The following ACTN1 variants were observed in gnomAD, a reference collection of about 807,000 sequenced individuals.
The protein encoded by ACTN1 is actinin alpha 1, also known as alpha-actinin-1.
In ACTN1, 30 loss-of-function variants were observed where a neutral mutation model predicts 119.6. The ratio of observed to expected loss-of-function variants is 0.25; its 90% CI spans 0.19 to 0.34. The LOEUF is 0.34. Among genes scored for constraint, ACTN1 ranks in the 10% least tolerant of loss-of-function variants. ACTN1 has a pLI of 1.00. For synonymous variants in ACTN1, 429 were observed against 472.6 expected, an observed-to-expected ratio of 0.91 and a Z score of 1.20; for missense variants, 764 against 1,223.4, an observed-to-expected ratio of 0.62 and a Z score of 5.60.
At chr14:68,938,797 T>A (rs2035649823) in intron 1 of ACTN1, among the ~76,000 whole-genome samples, 2 of 152,192 alleles carry the variant, frequency 1.3e-5, no homozygotes, top group Admixed American at 1.3e-4. Context: ...CCATCCACTG[T>A]CTATTTAATC....
chr14:68,876,451 A>T (rs1309608095), intron 21 of ACTN1, among the ~76,000 whole-genome samples: 1 of 151,300 alleles, frequency 6.6e-6, no homozygotes, highest in African/African-American at 2.4e-5. Flanking sequence ...GCTTCTACAG[A>T]TCCCCTCAGG....
chr14:68,884,423 G>T, intron 13 of ACTN1, 115 bp from the exon 14 acceptor site: 1 of 1,263,022 alleles, frequency 7.9e-7, no homozygotes, highest in South Asian at 1.5e-5. Context: ...CAATCAGGCA[G>T]AAAGAACAAG....
intron 3 of ACTN1, among the ~76,000 whole-genome samples, chr14:68,919,898 T>C (rs1281170948): frequency 3.9e-5 from 6 of 152,254 alleles, no homozygotes; most frequent in Non-Finnish European, 8.8e-5. Flanking sequence ...CTCGACCCCA[T>C]GCACTGCAGT....
intron 13 of ACTN1, 38 bp from the exon 14 acceptor site, chr14:68,884,346 T>G: frequency 6.3e-7 from 1 of 1,585,616 alleles, no homozygotes; most frequent in Non-Finnish European, 8.6e-7. Context: ...AGTACAGTGA[T>G]GTCCAGAATC....
Position 68,909,444 on chromosome 14 carries a change from CA to C in ACTN1, c.516-49del. On this transcript the variant is annotated intron_variant, in intron 5 of 21. Transcript: ENST00000394419. This position sits in a 1 kb window ranked among gnomAD's most constrained non-coding sequence, Gnocchi z 4.1. Reference sequence around the variant, plus strand: ...GAGCAGGCTGGTAAATGAGGCTGAACAAACGGGCAACCAGGGCAAAGCAGGG... The same window carrying C: ...GAGCAGGCTGGTAAATGAGGCTGAACAACGGGCAACCAGGGCAAAGCAGGG... 1 of 1,595,064 alleles carries C rather than the reference CA, an allele frequency of 6.3e-7. No individual in the cohort carries two copies. The highest frequency in any genetic ancestry group is 8.6e-7 in the Non-Finnish European group (1 of 1,164,504).
In ACTN1 at chr14:68,875,036, C is replaced by A. The variant is rs2030720796; in HGVS notation, c.2587-19G>T. 3 of 1,611,022 alleles carry A rather than the reference C, an allele frequency of 1.9e-6. No homozygotes were observed. The highest frequency in any genetic ancestry group is 2.5e-6 in the Non-Finnish European group (3 of 1,179,796). On this transcript the variant is annotated intron_variant, in intron 21 of 21. Coordinates refer to ENST00000394419, the MANE Select transcript of ACTN1 (RefSeq NM_001130004.2). ...TGTAGTTCTGCGAGGAGAGAGTGGTCAGGAAGGCCGCAAAGTCCAGCAGCC... is the reference window on the plus strand; with the variant it reads ...TGTAGTTCTGCGAGGAGAGAGTGGTAAGGAAGGCCGCAAAGTCCAGCAGCC...
At chr14:68,947,444 T>C (rs1313786699) in intron 1 of ACTN1, 7 of 152,252 alleles carry the variant, frequency 4.6e-5, no homozygotes, top group African/African-American at 1.4e-4. Context: ...ACAGATTGTC[T>C]TTTTACAGAG....
chr14:68,881,752 A>C (rs995405123), intron 16 of ACTN1, among the ~76,000 whole-genome samples: 1 of 151,916 alleles, frequency 6.6e-6, no homozygotes, highest in African/African-American at 2.4e-5. Context: ...TCAGAAAAAA[A>C]TTCTATGCTC....
chr14:68,969,392 G>A (rs1050700650), intron 1 of ACTN1, among the ~76,000 whole-genome samples: 7 of 152,098 alleles, frequency 4.6e-5, no homozygotes, highest in African/African-American at 1.7e-4. Flanking sequence ...GCCACCTCCT[G>A]CATCTCCCAG....
chr14:68,957,600 T>C (rs2036390902), intron 1 of ACTN1, among the ~76,000 whole-genome samples: 1 of 152,238 alleles, frequency 6.6e-6, no homozygotes, highest in Admixed American at 6.5e-5. Context: ...ATCTTCTTCC[T>C]GCCCCATATT....
chr14:68,902,108 C>T (rs1030862556), intron 8 of ACTN1, among the ~76,000 whole-genome samples: 3 of 152,234 alleles, frequency 2.0e-5, no homozygotes, highest in African/African-American at 7.2e-5. Flanking sequence ...GCTGCTCTAT[C>T]GAGCCAGTGG....
In ACTN1 at chr14:68,887,968, T is replaced by C. The variant is rs114660685; in HGVS notation, c.1234+2171A>G. 2.2e-3 allele frequency: 1,788 copies of C among 803,904 alleles called. 23 individuals carry two copies. The African/African-American group carries it at 0.027, about 12-fold the overall frequency. The allele number at this position is 803,904 out of a possible 1,614,324, so 49.8% of individuals were successfully genotyped here. On this transcript the variant is annotated intron_variant, in intron 11 of 21. Transcript: ENST00000394419. Reference sequence around the variant, plus strand: ...TGTCTGAAGATTTATCCTTCACTGCTGCGTTTTTCGGCTTCGCTTCCACTT... The same window carrying C: ...TGTCTGAAGATTTATCCTTCACTGCCGCGTTTTTCGGCTTCGCTTCCACTT...
intron 3 of ACTN1, among the ~76,000 whole-genome samples, chr14:68,917,614 AT>A (rs1484047022): frequency 2.6e-5 from 4 of 152,030 alleles, no homozygotes; most frequent in African/African-American, 9.7e-5. Context: ...ACAAAACGCC[AT>A]TTGCTGCCTC....
intron 7 of ACTN1, among the ~76,000 whole-genome samples, 153 bp from the exon 8 acceptor site, chr14:68,902,715 T>A (rs1457690711): frequency 4.6e-5 from 7 of 152,120 alleles, no homozygotes; most frequent in Non-Finnish European, 1.0e-4. Flanking sequence ...CTTGCGCTTA[T>A]GGGAATGTAA....
chr14:68,885,350 C>T lies in ACTN1; in HGVS notation c.1385+75G>A. Reference sequence around the variant, plus strand: ...CCTCCCCATCTTCCACGGCCACACCCCCACCTCCCCCAGCAGCTGAGAAAG... The same window carrying T: ...CCTCCCCATCTTCCACGGCCACACCTCCACCTCCCCCAGCAGCTGAGAAAG... On this transcript the variant is annotated intron_variant, in intron 12 of 21. Coordinates refer to ENST00000394419, the MANE Select transcript of ACTN1 (RefSeq NM_001130004.2). This position sits in a 1 kb window ranked among gnomAD's most constrained non-coding sequence, Gnocchi z 5.6. 1.3e-6 allele frequency: 2 copies of T among 1,519,592 alleles called. No homozygotes were observed. Among genetic ancestry groups the T allele is most frequent in the Non-Finnish European group, 1.8e-6 (2 of 1,132,356 alleles). 94.1% of individuals were successfully genotyped at this position (1,519,592 alleles called of 1,614,324 possible).
intron 1 of ACTN1, among the ~76,000 whole-genome samples, chr14:68,936,445 C>T (rs901999020): frequency 5.3e-5 from 8 of 151,612 alleles, no homozygotes; most frequent in Admixed American, 3.3e-4. Flanking sequence ...AGAACACTTG[C>T]TTTTCACAGA....
intron 3 of ACTN1, among the ~76,000 whole-genome samples, chr14:68,918,429 A>T (rs7141658): frequency 0.36 from 53,986 of 150,802 alleles, 9,795 homozygotes; most frequent in Admixed American, 0.41. Context: ...AAAATATTTA[A>T]AAAAAAATTA....
chr14:68,919,438 C>G (rs913023002), intron 3 of ACTN1, among the ~76,000 whole-genome samples: 2 of 152,232 alleles, frequency 1.3e-5, no homozygotes, highest in Non-Finnish European at 2.9e-5. Flanking sequence ...TCTGCCAAGT[C>G]TTGAATTGCT....
At chr14:68,928,487 ACC>A (rs2035040106) in intron 1 of ACTN1, among the ~76,000 whole-genome samples, 2 of 152,080 alleles carry the variant, frequency 1.3e-5, no homozygotes, top group Non-Finnish European at 2.9e-5. Context: ...GGTGGCTGTG[ACC>A]CGGTGATCAA....
Sources: gnomAD v4.1 joint callset for allele counts (sites outside exome capture counted in the v4.1 genomes callset) on GRCh38, gnomAD v4.1.1 for gene constraint, Gnocchi (gnomAD v3.1) non-coding constraint, MANE v1.5 for transcripts, NCBI Gene and HGNC (gene_info 2026-07-23, HGNC 2026-07-21) for gene names.